USH2A: variants seen among roughly 807,000 people sequenced by gnomAD.
The protein encoded by USH2A is usherin, also known as Usher syndrome 2A (autosomal recessive, mild).
In USH2A, 443 loss-of-function variants were observed where a neutral mutation model predicts 538.9. That is an observed-to-expected ratio of 0.82 (90% CI 0.76 to 0.89). USH2A has a LOEUF of 0.89. Among genes scored for constraint, USH2A ranks in the 40% least tolerant of loss-of-function variants. USH2A has a pLI of 0.00. For synonymous variants in USH2A, 2,413 were observed against 2,273.5 expected (o/e 1.06, Z -1.75); for missense variants, 6,633 against 6,324.8 (o/e 1.05, Z -1.65).
At chr1:215,968,884 C>A (rs1360672074) in intron 36 of USH2A, among the ~76,000 whole-genome samples, 1 of 152,212 alleles carries the variant, frequency 6.6e-6, no homozygotes, top group East Asian at 1.9e-4. Flanking sequence ...TGTTGAGTAT[C>A]ACATCATAAT....
chr1:215,903,593 G>A (rs1270336213), intron 38 of USH2A, among the ~76,000 whole-genome samples: 4 of 152,086 alleles, frequency 2.6e-5, no homozygotes, highest in African/African-American at 9.7e-5. Context: ...GAGAGTCAGT[G>A]CACACTGGCT....
chr1:215,664,212 A>T (rs1657533876), intron 64 of USH2A, among the ~76,000 whole-genome samples: 1 of 152,248 alleles, frequency 6.6e-6, no homozygotes, highest in African/African-American at 2.4e-5. Context: ...TCTCAGGAAC[A>T]TAAATGAGAC....
rs1164392320 is a variant in USH2A at position 216,250,977 on chromosome 1, G to A, written c.2093C>T (p.Thr698Ile). The A allele has an allele frequency of 1.2e-6, 2 of 1,613,906 alleles. No individual in the cohort carries two copies. The highest frequency in any genetic ancestry group is 8.5e-7 in the Non-Finnish European group (1 of 1,179,990). The change falls in exon 12 of 72, where the codon ACC becomes ATC. Residue 698 changes from threonine to isoleucine, a missense_variant. Thr to Ile is a moderately conservative substitution (Grantham distance 89). Transcript: ENST00000307340. ...AATATCTCCATCCACTGTCCCAGAGGTATTGCAGTTACAGGGACTGCAGCC... is the reference window on the plus strand; with the variant it reads ...AATATCTCCATCCACTGTCCCAGAGATATTGCAGTTACAGGGACTGCAGCC... Reference protein sequence around the residue: ...PDGCSPCNCNTSGTVDGDITC... With the variant: ...PDGCSPCNCNISGTVDGDITC...
chr1:215,623,742 T>C lies in USH2A; in HGVS notation c.*2039A>G, dbSNP rs1655891195. 6.6e-6 allele frequency: 1 copy of C among 152,162 alleles called. No individual in the cohort carries two copies. Among genetic ancestry groups the C allele is most frequent in the Non-Finnish European group, 1.5e-5 (1 of 68,024 alleles). The allele number at this position is 152,162 out of a possible 1,614,324, so 9.4% of individuals were successfully genotyped here. A position where few individuals can be genotyped will look rare whatever the true frequency, so the allele number is the denominator to read the frequency against. On this transcript the variant is annotated 3_prime_UTR_variant, in exon 72 of 72. Coordinates refer to ENST00000307340, the MANE Select transcript of USH2A (RefSeq NM_206933.4). ...TGATCCAAGATAAAATCCCCTGCAG[T>C]TCTGTATTTTTTTGTGCGTTGTTAA...
At chr1:215,669,988 C>T (rs569675279) in intron 64 of USH2A, among the ~76,000 whole-genome samples, 1 of 152,286 alleles carries the variant, frequency 6.6e-6, no homozygotes, top group Non-Finnish European at 1.5e-5. Flanking sequence ...TAAGTGCTTA[C>T]ATCAGTCAGT....
At chr1:216,364,802 T>A (rs1421700336) in intron 4 of USH2A, 151 bp downstream of exon 4, 1 of 1,062,764 alleles carries the variant, frequency 9.4e-7, no homozygotes, top group African/African-American at 1.6e-5. Context: ...AAATTTTACT[T>A]TCATTAATCT....
chr1:216,138,422 C>G (rs1443571550), intron 21 of USH2A, among the ~76,000 whole-genome samples: 2 of 152,288 alleles, frequency 1.3e-5, no homozygotes, highest in East Asian at 3.9e-4. Context: ...GTTATGTAGT[C>G]CGTGCAGCTA....
rs1457306678 is a variant in USH2A, at chr1:215,782,808, A to C, written c.10515T>G (p.Pro3505=). The change falls in exon 53 of 72, where the codon CCT becomes CCG. Residue 3505 remains proline, a synonymous_variant. Coordinates refer to ENST00000307340, the MANE Select transcript of USH2A (RefSeq NM_206933.4). ...CAAGATTGTCTATTTTGGTCCACGT[A>C]GGGGGACTCACTCCTTGAGGCACAT... is the stretch of plus-strand genomic sequence containing the variant. ...KEDVPQGVSP[P]TWTKIDNLED... is the part of the protein sequence containing the mutation. 6.2e-7 allele frequency: 1 copy of C among 1,613,856 alleles called. No homozygotes were observed. The highest frequency in any genetic ancestry group is 2.2e-5 in the East Asian group (1 of 44,872).
At chr1:215,918,999 C>T (rs1666030471) in intron 38 of USH2A, among the ~76,000 whole-genome samples, 1 of 151,968 alleles carries the variant, frequency 6.6e-6, no homozygotes, top group Admixed American at 6.6e-5. Context: ...ATTAATAACG[C>T]TTCTTTTATT....
intron 13 of USH2A, among the ~76,000 whole-genome samples, chr1:216,232,452 CAGTT>C (rs1484877339): frequency 6.6e-6 from 1 of 152,192 alleles, no homozygotes; most frequent in African/African-American, 2.4e-5. Context: ...ACCAGTCATT[CAGTT>C]GCTTTGCCTA....
chr1:216,038,312 T>C lies in USH2A; in HGVS notation c.6325+8119A>G, dbSNP rs372213349. The stretch of plus-strand genomic sequence containing the variant: ...ATATTTGTCCTTGCTTCAATTTTAC[T>C]GAATTCATGTTGCCCTGGTAGGGGC... On this transcript the variant is annotated intron_variant, in intron 32 of 71. Coordinates refer to ENST00000307340, the MANE Select transcript of USH2A (RefSeq NM_206933.4). Among the ~76,000 whole-genome samples, 10 of 152,200 alleles carry C rather than the reference T, an allele frequency of 6.6e-5. No individual in the cohort carries two copies. In the South Asian group the frequency reaches 1.0e-3, roughly 16 times the overall value.
In USH2A at chr1:215,856,576, G is replaced by T. The variant is rs1189138084; in HGVS notation, c.8845+10431C>A. 3.3e-5 allele frequency among the ~76,000 whole-genome samples: 5 copies of T among 152,186 alleles called. No homozygotes were observed. In the South Asian group the frequency reaches 6.2e-4, roughly 19 times the overall value. On this transcript the variant is annotated intron_variant, in intron 44 of 71. Transcript: ENST00000307340. ...GACCTTGGCATAGATGTGATACAAA[G>T]AACACATTTTTACACTTGGTGGGAA...
At chr1:216,077,220 AAATT>A (rs2031782517) in intron 27 of USH2A, among the ~76,000 whole-genome samples, 2 of 152,194 alleles carry the variant, frequency 1.3e-5, no homozygotes, top group African/African-American at 2.4e-5. Context: ...TAGCCTTTTC[AAATT>A]AATTATTTCT....
At chr1:215,818,446 G>A (rs940743706) in intron 47 of USH2A, among the ~76,000 whole-genome samples, 1 of 151,204 alleles carries the variant, frequency 6.6e-6, no homozygotes, top group African/African-American at 2.4e-5. Flanking sequence ...GGTCTGAAAT[G>A]ATTTTTGGTG....
chr1:215,946,605 ATTTAACT>A (rs952312855), intron 37 of USH2A, among the ~76,000 whole-genome samples: 9 of 152,312 alleles, frequency 5.9e-5, no homozygotes, highest in Admixed American at 2.0e-4. Context: ...TTTGGCATTG[ATTTAACT>A]TTTAACTTTT....
At chr1:216,029,389 A>T (rs1480779589) in intron 32 of USH2A, among the ~76,000 whole-genome samples, 1 of 152,056 alleles carries the variant, frequency 6.6e-6, no homozygotes, top group Non-Finnish European at 1.5e-5. Context: ...TATTGTGTCC[A>T]CATATTTTGT....
intron 11 of USH2A, among the ~76,000 whole-genome samples, chr1:216,276,000 C>T (rs947166266): frequency 1.3e-5 from 2 of 152,090 alleles, no homozygotes; most frequent in African/African-American, 2.4e-5. Context: ...GTGCTAGGAA[C>T]ACATTTTTGG....
At chr1:215,704,478 A>G (rs139781132) in intron 61 of USH2A, among the ~76,000 whole-genome samples, 53 of 152,316 alleles carry the variant, frequency 3.5e-4, no homozygotes, top group African/African-American at 1.2e-3. Flanking sequence ...AAGTGCAAGA[A>G]TCAAGCTCTA....
intron 3 of USH2A, among the ~76,000 whole-genome samples, chr1:216,386,198 A>C (rs1178123705): frequency 6.6e-6 from 1 of 152,156 alleles, no homozygotes; most frequent in Non-Finnish European, 1.5e-5. Flanking sequence ...GAAGTTATTA[A>C]AAAGAATAGT....
Sources: allele counts gnomAD v4.1 joint callset (sites outside exome capture counted in the v4.1 genomes callset), GRCh38; gene constraint gnomAD v4.1.1; transcripts MANE v1.5; gene names NCBI Gene and HGNC (gene_info 2026-07-23, HGNC 2026-07-21).